POLR3K: variants seen among roughly 807,000 people sequenced by gnomAD.
POLR3K encodes the protein RNA polymerase III subunit K.
In POLR3K, 11 loss-of-function variants were observed where a neutral mutation model predicts 13.5. The ratio of observed to expected loss-of-function variants is 0.81; its 90% CI spans 0.51 to 1.35. The LOEUF is 1.35. Among genes scored for constraint, POLR3K ranks in the 40% most tolerant of loss-of-function variants. The probability of loss-of-function intolerance (pLI) is 0.00; values close to 1 mark genes in which losing one functional copy is unlikely to be tolerated. For synonymous variants in POLR3K, 56 were observed against 51.5 expected, an observed-to-expected ratio of 1.09 and a Z score of -0.38; for missense variants, 144 against 145.3, an observed-to-expected ratio of 0.99 and a Z score of 0.05.
Position 47,260 on chromosome 16 carries a change from T to C in POLR3K, c.*170A>G. The C allele has an allele frequency of 1.3e-6, 1 of 771,806 alleles. No homozygotes were observed. The highest frequency in any genetic ancestry group is 1.9e-6 in the Non-Finnish European group (1 of 526,170). 47.8% of individuals were successfully genotyped at this position (771,806 alleles called of 1,614,324 possible). On this transcript the variant is annotated 3_prime_UTR_variant, in exon 3 of 3. Coordinates refer to ENST00000293860, the MANE Select transcript of POLR3K (RefSeq NM_016310.5). ...CAGACATTCATGACTTCATCCACCC[T>C]GCCTGGCAGATAGGCCATATTTCCT...
In POLR3K at chr16:46,585, G is replaced by A. The variant is rs1897284703; in HGVS notation, c.*845C>T. 6.6e-6 allele frequency: 1 copy of A among 152,074 alleles called. No individual in the cohort carries two copies. Among genetic ancestry groups the A allele is most frequent in the Non-Finnish European group, 1.5e-5 (1 of 68,026 alleles). 9.4% of individuals were successfully genotyped at this position (152,074 alleles called of 1,614,324 possible). On this transcript the variant is annotated 3_prime_UTR_variant, in exon 3 of 3. Coordinates refer to ENST00000293860, the MANE Select transcript of POLR3K (RefSeq NM_016310.5). ...ACTAAAAATGCAAAATTACCCAGGT[G>A]TGGTGGTGCATGCCTGTAGTCCCAG...
intron 1 of POLR3K, among the ~76,000 whole-genome samples, chr16:52,795 A>AC (rs1897352592): frequency 7.5e-5 from 2 of 26,840 alleles, no homozygotes; most frequent in African/African-American, 2.6e-4. Flanking sequence ...AAAAAAAAAA[A>AC]CAATAAAAAA....
chr16:52,782 A>AT (rs1567150857), intron 1 of POLR3K, among the ~76,000 whole-genome samples: 7 of 24,838 alleles, frequency 2.8e-4, no homozygotes, highest in African/African-American at 1.0e-3. Context: ...AAAAAAAAAA[A>AT]AAAAAAAAAA....
chr16:53,424 G>C, intron 1 of POLR3K, 52 bp downstream of exon 1: 1 of 1,542,126 alleles, frequency 6.5e-7, no homozygotes, highest in Non-Finnish European at 8.7e-7. Context: ...GTCGGAGGAC[G>C]CGGAAGGCCT....
chr16:52,932 G>C (rs1297615584), intron 1 of POLR3K: 1 of 153,438 alleles, frequency 6.5e-6, no homozygotes, highest in African/African-American at 2.4e-5. Context: ...GTAAAGACAA[G>C]ACCAATGAGT....
intron 2 of POLR3K, among the ~76,000 whole-genome samples, chr16:50,184 C>G (rs775788437): frequency 8.5e-5 from 13 of 152,070 alleles, no homozygotes; most frequent in Non-Finnish European, 1.6e-4. Flanking sequence ...GTCTCGAACT[C>G]CTGACCTCAG....
At chr16:52,446 CAAAAAAAAAAAAAAAAAA>C (rs767411954) in intron 1 of POLR3K, among the ~76,000 whole-genome samples, 119 of 74,186 alleles carry the variant, frequency 1.6e-3, no homozygotes, top group African/African-American at 5.2e-3. Flanking sequence ...GACTCTGTCT[CAAAAAAAAAAAAAAAAAA>C]AAAAAAAAAA....
intron 2 of POLR3K, among the ~76,000 whole-genome samples, chr16:47,890 A>ATT (rs1350876996): frequency 1.9e-5 from 1 of 53,574 alleles, no homozygotes; most frequent in Non-Finnish European, 3.3e-5. Flanking sequence ...TTACTATAAT[A>ATT]TCTTTTTTTT....
At position 51,766 on chromosome 16, in the gene POLR3K, A is replaced by C. The variant is rs544825112; in HGVS notation, c.112-121T>G. Reference sequence around the variant, plus strand: ...CTGGGCGTGGTGGCTGACACCTGTAATCCCAGCACTTTGGGAGGCCAAGAC... The same window carrying C: ...CTGGGCGTGGTGGCTGACACCTGTACTCCCAGCACTTTGGGAGGCCAAGAC... On this transcript the variant is annotated intron_variant, in intron 1 of 2. Coordinates refer to ENST00000293860, the MANE Select transcript of POLR3K (RefSeq NM_016310.5). 2.6e-4 allele frequency: 188 copies of C among 736,818 alleles called. No individual in the cohort carries two copies. The East Asian group carries it at 5.1e-3, about 20-fold the overall frequency. The allele number at this position is 736,818 out of a possible 1,614,324, so 45.6% of individuals were successfully genotyped here.
At chr16:47,584 A>G (rs778571655) in intron 2 of POLR3K, 27 bp from the exon 3 acceptor site, 2 of 1,606,384 alleles carry the variant, frequency 1.2e-6, no homozygotes, top group South Asian at 2.2e-5. Flanking sequence ...AGAAGTGACC[A>G]CATTTAAAAA....
chr16:52,749 G>C (rs1392338864), intron 1 of POLR3K, among the ~76,000 whole-genome samples: 1 of 122,374 alleles, frequency 8.2e-6, no homozygotes, highest in Non-Finnish European at 1.7e-5. Flanking sequence ...CTGGGCGACA[G>C]AGCGGGACTC....
chr16:51,099 G>C (rs1380781829), intron 2 of POLR3K, among the ~76,000 whole-genome samples: 1 of 152,172 alleles, frequency 6.6e-6, no homozygotes, highest in Non-Finnish European at 1.5e-5. Context: ...TTCAAGATGA[G>C]ATTAGGGTGG....
chr16:47,258 C>T lies in POLR3K; in HGVS notation c.*172G>A. ...CCCAGACATTCATGACTTCATCCAC[C>T]CTGCCTGGCAGATAGGCCATATTTC... On this transcript the variant is annotated 3_prime_UTR_variant, in exon 3 of 3. Coordinates refer to ENST00000293860, the MANE Select transcript of POLR3K (RefSeq NM_016310.5). 1.3e-6 allele frequency: 1 copy of T among 744,616 alleles called. No individual in the cohort carries two copies. The highest frequency in any genetic ancestry group is 2.3e-5 in the South Asian group (1 of 43,030). 46.1% of individuals were successfully genotyped at this position (744,616 alleles called of 1,614,324 possible).
rs548905338 is a variant in POLR3K, at chr16:47,261, G to C, written c.*169C>G. On this transcript the variant is annotated 3_prime_UTR_variant, in exon 3 of 3. Coordinates refer to ENST00000293860, the MANE Select transcript of POLR3K (RefSeq NM_016310.5). The stretch of plus-strand genomic sequence containing the variant: ...AGACATTCATGACTTCATCCACCCT[G>C]CCTGGCAGATAGGCCATATTTCCTG... The C allele has an allele frequency of 2.6e-6, 2 of 774,928 alleles. No individual in the cohort carries two copies. Among genetic ancestry groups the C allele is most frequent in the Non-Finnish European group, 3.8e-6 (2 of 529,080 alleles). The allele number at this position is 774,928 out of a possible 1,614,324, so 48.0% of individuals were successfully genotyped here.
At chr16:53,108 T>G in intron 1 of POLR3K, 2 of 218,312 alleles carry the variant, frequency 9.2e-6, no homozygotes, top group Non-Finnish European at 1.8e-5. Flanking sequence ...GGGGAGGGAG[T>G]CAGTGTCGGA....
rs170058 is a variant in POLR3K at position 53,456 on chromosome 16, C to T, written c.111+20G>A. 2.0e-3 allele frequency: 3,201 copies of T among 1,597,128 alleles called. 56 individuals are homozygous for T. In the African/African-American group the frequency reaches 0.035, roughly 18 times the overall value. On this transcript the variant is annotated intron_variant, in intron 1 of 2. Coordinates refer to ENST00000293860, the MANE Select transcript of POLR3K (RefSeq NM_016310.5). ...GCCTGCGAGAGTCGCCCGCGCCCAG[C>T]GCCGGCCTTCGGGTCCCACCTTGCG...
intron 2 of POLR3K, among the ~76,000 whole-genome samples, chr16:49,229 G>A (rs960568199): frequency 6.6e-6 from 1 of 151,868 alleles, no homozygotes; most frequent in African/African-American, 2.4e-5. Flanking sequence ...ACCTGAGGTC[G>A]GGAGTTCGTG....
At chr16:49,605 G>A (rs1487854226) in intron 2 of POLR3K, among the ~76,000 whole-genome samples, 4 of 150,830 alleles carry the variant, frequency 2.7e-5, no homozygotes, top group African/African-American at 9.7e-5. Flanking sequence ...GAGTAGCTAG[G>A]ACTACAGGCA....
At chr16:51,797 G>A in intron 1 of POLR3K, 152 bp from the exon 2 acceptor site, 1 of 592,178 alleles carries the variant, frequency 1.7e-6, no homozygotes, top group Non-Finnish European at 3.0e-6. Flanking sequence ...AAGACGGGCG[G>A]ATCACGAGGT....
Sources: gnomAD v4.1 joint callset for allele counts (sites outside exome capture counted in the v4.1 genomes callset) on GRCh38, gnomAD v4.1.1 for gene constraint, MANE v1.5 for transcripts, NCBI Gene and HGNC (gene_info 2026-07-23, HGNC 2026-07-21) for gene names.